Variants in SLC25A20 observed in about 807,000 individuals in gnomAD.
SLC25A20 encodes the protein mitochondrial carnitine/acylcarnitine carrier protein.
SLC25A20 carries 29 observed loss-of-function variants against 39.7 expected under a neutral mutation model. That is an observed-to-expected ratio of 0.73 (90% confidence interval 0.54 to 1.00). The LOEUF is 1.00. SLC25A20 is among the 50% of genes least tolerant of loss of function. SLC25A20 has a pLI of 0.00. For missense variants in SLC25A20, 333 were observed against 379.9 expected (o/e 0.88, Z 1.03); for synonymous variants, 103 against 142.2 (o/e 0.72, Z 1.96).
intron 1 of SLC25A20, among the ~76,000 whole-genome samples, chr3:48,893,852 GAAAAAAA>G (rs978467478): frequency 0.015 from 1,029 of 69,126 alleles, 7 homozygotes; most frequent in African/African-American, 0.054. Flanking sequence ...CTTTAAAAAA[GAAAAAAA>G]AAAAAAAAAA....
At chr3:48,871,939 G>A (rs528066027) in intron 4 of SLC25A20, among the ~76,000 whole-genome samples, 5 of 144,450 alleles carry the variant, frequency 3.5e-5, no homozygotes, top group Admixed American at 7.0e-5. Flanking sequence ...CTCACCACCC[G>A]CAAGTAGCTG....
At chr3:48,870,394 G>A (rs767406952) in intron 4 of SLC25A20, among the ~76,000 whole-genome samples, 5 of 152,054 alleles carry the variant, frequency 3.3e-5, no homozygotes, top group South Asian at 2.1e-4. Context: ...AAAATCAATC[G>A]TGTTTCCCAA....
chr3:48,867,721 C>A (rs952226347), intron 4 of SLC25A20, among the ~76,000 whole-genome samples: 2 of 150,608 alleles, frequency 1.3e-5, no homozygotes, highest in Admixed American at 1.3e-4. Context: ...ATCCAGTGCA[C>A]AAAGAGGCCT....
At chr3:48,891,517 A>C (rs2083877314) in intron 2 of SLC25A20, among the ~76,000 whole-genome samples, 1 of 152,054 alleles carries the variant, frequency 6.6e-6, no homozygotes, top group African/African-American at 2.4e-5. Flanking sequence ...ACAGATGTAC[A>C]TGCGCTACCA....
At chr3:48,895,701 C>T (rs957367147) in intron 1 of SLC25A20, 6 of 445,676 alleles carry the variant, frequency 1.3e-5, no homozygotes, top group Non-Finnish European at 2.3e-5. Flanking sequence ...AGAGGTGACA[C>T]GTAAGTCTGA....
intron 2 of SLC25A20, among the ~76,000 whole-genome samples, chr3:48,885,132 G>A (rs1210405830): frequency 5.3e-5 from 8 of 152,038 alleles, no homozygotes; most frequent in East Asian, 1.9e-4. Context: ...TTAGCCAGAC[G>A]TGGTGGTGTG....
Position 48,898,703 on chromosome 3 carries a change from AGAG to A in SLC25A20, c.89_91del (p.Pro30del), listed in dbSNP as rs1408470895. ...AGCCTCCCGCACCTTGACCGTGTCC[AGAG>A]GGTGACCGACGAACACCAGGCACAC... On this transcript the variant is annotated inframe_deletion, in exon 1 of 9. Coordinates refer to ENST00000319017, the MANE Select transcript of SLC25A20 (RefSeq NM_000387.6). 1 of 1,605,616 alleles carries A rather than the reference AGAG, an allele frequency of 6.2e-7. No individual in the cohort carries two copies. Among genetic ancestry groups the A allele is most frequent in the South Asian group, 1.1e-5 (1 of 89,748 alleles).
At chr3:48,889,392 A>AAT (rs897661506) in intron 2 of SLC25A20, among the ~76,000 whole-genome samples, 6 of 151,068 alleles carry the variant, frequency 4.0e-5, no homozygotes, top group East Asian at 3.9e-4. Flanking sequence ...CATGTCTCAA[A>AAT]ATATATATAT....
chr3:48,865,440 G>C (rs1455321540), intron 4 of SLC25A20, among the ~76,000 whole-genome samples: 2 of 151,740 alleles, frequency 1.3e-5, no homozygotes, highest in Non-Finnish European at 2.9e-5. Context: ...ATAAATTTGA[G>C]TCATCAGCAT....
At chr3:48,862,519 C>T (rs201179918) in intron 5 of SLC25A20, 23 bp downstream of exon 5, 1 of 1,526,922 alleles carries the variant, frequency 6.5e-7, no homozygotes, top group East Asian at 2.2e-5. Context: ...CAGGTGACCT[C>T]AAGTGGAGGC....
chr3:48,874,062 C>T (rs1268471466), intron 4 of SLC25A20, among the ~76,000 whole-genome samples: 1 of 149,890 alleles, frequency 6.7e-6, no homozygotes, highest in Admixed American at 6.7e-5. Flanking sequence ...GCCGAGGAGG[C>T]GGGTGAATCA....
chr3:48,859,734 G>T, intron 5 of SLC25A20, 107 bp from the exon 6 acceptor site: 1 of 914,264 alleles, frequency 1.1e-6, no homozygotes, highest in Non-Finnish European at 1.8e-6. Flanking sequence ...CAGGGGGATT[G>T]CTTGAGGCCA....
At chr3:48,898,660 C>A in intron 1 of SLC25A20, 30 bp downstream of exon 1, 2 of 1,567,256 alleles carry the variant, frequency 1.3e-6, no homozygotes, top group Non-Finnish European at 1.7e-6. Context: ...CGGGCCTCCT[C>A]CCCAAAGCCT....
intron 2 of SLC25A20, among the ~76,000 whole-genome samples, chr3:48,886,752 G>A (rs1353627333): frequency 1.3e-5 from 2 of 152,018 alleles, no homozygotes; most frequent in Non-Finnish European, 2.9e-5. Context: ...AGGCTGAGAC[G>A]GGAGGATCAC....
intron 8 of SLC25A20, 65 bp from the exon 9 acceptor site, chr3:48,857,837 AC>A: frequency 6.7e-7 from 1 of 1,486,706 alleles, no homozygotes; most frequent in Non-Finnish European, 9.3e-7. Flanking sequence ...TATTCAAAGC[AC>A]TATGCTTTGC....
At chr3:48,884,166 C>T in intron 2 of SLC25A20, 42 bp from the exon 3 acceptor site, 3 of 1,611,162 alleles carry the variant, frequency 1.9e-6, no homozygotes, top group Non-Finnish European at 2.5e-6. Context: ...ACAGACACCA[C>T]CACCTTTTAA....
intron 1 of SLC25A20, among the ~76,000 whole-genome samples, chr3:48,898,109 C>A (rs773953230): frequency 5.3e-5 from 8 of 152,156 alleles, no homozygotes; most frequent in Non-Finnish European, 8.8e-5. Context: ...GGAAGGGGCT[C>A]GGTCACTGAG....
At position 48,892,015 on chromosome 3, in the gene SLC25A20, T is replaced by C. The variant is rs1002978497; in HGVS notation, c.163A>G (p.Thr55Ala). Reference protein sequence around the residue: ...LPGQPPMYSGTFDCFRKTLFR... With the variant: ...LPGQPPMYSGAFDCFRKTLFR... ...AGAGTCTTCCGGAAACAGTCAAAGGTCCCAGAGTACATGGGAGGTTGTCCA... is the reference window on the plus strand; with the variant it reads ...AGAGTCTTCCGGAAACAGTCAAAGGCCCCAGAGTACATGGGAGGTTGTCCA... Residue 55 changes from threonine (T) to alanine (A), a missense_variant, in exon 2 of 9, where the codon ACC becomes GCC. Physicochemically the swap from Thr to Ala is moderately conservative, Grantham distance 58. Coordinates refer to ENST00000319017, the MANE Select transcript of SLC25A20 (RefSeq NM_000387.6). The C allele has an allele frequency of 7.4e-6, 12 of 1,613,828 alleles. No individual in the cohort carries two copies. The Admixed American group carries it at 1.0e-4, about 13-fold the overall frequency.
intron 3 of SLC25A20, 146 bp from the exon 4 acceptor site, chr3:48,879,594 G>A (rs925171911): frequency 3.4e-5 from 24 of 699,042 alleles, no homozygotes; most frequent in South Asian, 7.6e-5. Flanking sequence ...ATCAGATTTC[G>A]CACAAAAACT....
Sources: allele counts gnomAD v4.1 joint callset (sites outside exome capture counted in the v4.1 genomes callset), GRCh38; gene constraint gnomAD v4.1.1; transcripts MANE v1.5; gene names NCBI Gene and HGNC (gene_info 2026-07-23, HGNC 2026-07-21).